Variants in DHRS12 observed in about 807,000 individuals in gnomAD.
The protein encoded by DHRS12 is dehydrogenase/reductase 12.
A neutral mutation model predicts 32.1 loss-of-function variants in DHRS12; 29 were observed. The observed-to-expected ratio is 0.90, with a 90% CI of 0.67 to 1.23. The LOEUF (loss-of-function observed/expected upper bound fraction) is 1.23, where lower values mean the gene tolerates loss of function less well. Among genes scored for constraint, DHRS12 ranks in the 50% most tolerant of loss-of-function variants. DHRS12 has a pLI of 0.00. For missense variants in DHRS12, 330 were observed against 337.2 expected (o/e 0.98, Z 0.17); for synonymous variants, 150 against 135.9 (o/e 1.10, Z -0.72).
chr13:51,785,586 G>T (rs148332044), intron 4 of DHRS12, among the ~76,000 whole-genome samples: 46 of 152,308 alleles, frequency 3.0e-4, no homozygotes, highest in African/African-American at 8.9e-4. Context: ...CTCTGCCATT[G>T]CCCTGAGAAT....
Position 51,769,270 on chromosome 13 carries a change from A to G in DHRS12, c.583T>C (p.Phe195Leu). 1 of 1,582,902 alleles carries G rather than the reference A, an allele frequency of 6.3e-7. No individual in the cohort carries two copies. Among genetic ancestry groups the G allele is most frequent in the Non-Finnish European group, 8.6e-7 (1 of 1,163,504 alleles). The part of the protein sequence containing the change: ...TPGVRQAMPG[F>L]HARFGDRLRS... ...AGGCGGTCCCCGAACCTGGCGTGGA[A>G]CCCCGGCATCGCCTGCCTCACACCT... is the stretch of plus-strand genomic sequence containing the variant. The change falls in exon 8 of 9, where the codon TTC (phenylalanine) becomes CTC (leucine). Residue 195 changes from phenylalanine (F) to leucine (L), a missense_variant. Phe to Leu is a conservative substitution (Grantham distance 22, BLOSUM62 0). Coordinates refer to ENST00000444610, the MANE Select transcript of DHRS12 (RefSeq NM_001377533.1).
At chr13:51,798,280 G>A (rs1006269707) in intron 2 of DHRS12, among the ~76,000 whole-genome samples, 1 of 152,260 alleles carries the variant, frequency 6.6e-6, no homozygotes, top group African/African-American at 2.4e-5. Context: ...TAGGCGATAG[G>A]CCCAGGACTG....
At chr13:51,777,947 A>G (rs1954518924) in intron 4 of DHRS12, among the ~76,000 whole-genome samples, 1 of 152,266 alleles carries the variant, frequency 6.6e-6, no homozygotes, top group Non-Finnish European at 1.5e-5. Flanking sequence ...TGAGGCAGGA[A>G]TCAAGTCAGG....
downstream of DHRS12, chr13:51,765,583 T>C (rs750370307): frequency 6.6e-6 from 1 of 152,238 alleles, no homozygotes; most frequent in Non-Finnish European, 1.5e-5. Flanking sequence ...TCTCGTTTAT[T>C]ATTGGACATG....
intron 5 of DHRS12, 54 bp from the exon 6 acceptor site, chr13:51,774,088 C>A: frequency 6.5e-7 from 1 of 1,535,550 alleles, no homozygotes. Flanking sequence ...CCCTTCCACT[C>A]TTCACCCCCT....
At chr13:51,772,767 T>C (rs2138939465) in intron 6 of DHRS12, 1 of 985,472 alleles carries the variant, frequency 1.0e-6, no homozygotes, top group Non-Finnish European at 1.2e-6. Context: ...TCTCTGGGCC[T>C]CATTTACAAG....
At chr13:51,769,437 C>T (rs1953911941) in intron 7 of DHRS12, 144 bp from the exon 8 acceptor site, 1 of 703,810 alleles carries the variant, frequency 1.4e-6, no homozygotes, top group South Asian at 2.2e-5. Context: ...TCACCCAAGC[C>T]ACTCGGAACC....
At chr13:51,768,473 T>C (rs1338230303) in intron 8 of DHRS12, 177 bp from the exon 9 acceptor site, 20 of 1,429,908 alleles carry the variant, frequency 1.4e-5, no homozygotes, top group Non-Finnish European at 1.6e-5. Flanking sequence ...TGGATTGATA[T>C]GTAAAGTGCA....
At chr13:51,773,216 A>G (rs537462145) in intron 6 of DHRS12, among the ~76,000 whole-genome samples, 1 of 152,366 alleles carries the variant, frequency 6.6e-6, no homozygotes, top group African/African-American at 2.4e-5. Context: ...CTGCATATAC[A>G]TAACGAGATA....
Position 51,804,115 on chromosome 13 carries a change from G to A in DHRS12, c.-70C>T, listed in dbSNP as rs143471294. On this transcript the variant is annotated 5_prime_UTR_variant, in exon 1 of 9. Coordinates refer to ENST00000444610, the MANE Select transcript of DHRS12 (RefSeq NM_001377533.1). ...ACGCTGCGGTACAGGGACATGCCGG[G>A]AGCGCCCCACGCCTAGCCCCACCGC... The A allele has an allele frequency of 4.3e-4, 647 of 1,488,302 alleles. 1 individual carries two copies. In the African/African-American group the frequency reaches 8.3e-3, roughly 19 times the overall value. 92.2% of individuals were successfully genotyped at this position (1,488,302 alleles called of 1,614,324 possible). A position where few individuals can be genotyped will look rare whatever the true frequency, so the allele number is the denominator to read the frequency against.
At chr13:51,794,248 C>T (rs1955409706) in intron 2 of DHRS12, among the ~76,000 whole-genome samples, 1 of 152,220 alleles carries the variant, frequency 6.6e-6, no homozygotes, top group Non-Finnish European at 1.5e-5. Context: ...CAAAACTCAA[C>T]TGGGACCCTT....
At chr13:51,794,913 C>T (rs1256621606) in intron 2 of DHRS12, among the ~76,000 whole-genome samples, 5 of 152,040 alleles carry the variant, frequency 3.3e-5, no homozygotes, top group African/African-American at 7.3e-5. Context: ...CCTGTTTCTC[C>T]CCTAGGCCCT....
At chr13:51,788,559 T>C (rs1030769070) in intron 4 of DHRS12, among the ~76,000 whole-genome samples, 1 of 152,014 alleles carries the variant, frequency 6.6e-6, no homozygotes, top group African/African-American at 2.4e-5. Context: ...CCACAGTAAA[T>C]TTAGCCTGGG....
the DHRS12 span, chr13:51,756,355 G>A: frequency 3.7e-6 from 6 of 1,613,826 alleles, no homozygotes; most frequent in Middle Eastern, 1.7e-4. Context: ...AGTGTGGGAA[G>A]GCCGTCTGTG....
intron 2 of DHRS12, among the ~76,000 whole-genome samples, chr13:51,797,239 A>C (rs1955548841): frequency 6.6e-6 from 1 of 152,206 alleles, no homozygotes; most frequent in Non-Finnish European, 1.5e-5. Flanking sequence ...AGCTTGGTTT[A>C]ATGTCCTGCC....
At chr13:51,771,702 T>G in intron 7 of DHRS12, 119 bp downstream of exon 7, 3 of 1,357,194 alleles carry the variant, frequency 2.2e-6, no homozygotes, top group Non-Finnish European at 3.1e-6. Flanking sequence ...GAAATGAAGC[T>G]ACTCCTCAGT....
At chr13:51,779,250 T>C (rs1954589652) in intron 4 of DHRS12, among the ~76,000 whole-genome samples, 1 of 152,126 alleles carries the variant, frequency 6.6e-6, no homozygotes, top group Admixed American at 6.5e-5. Context: ...CCTTCAACAC[T>C]CTGGCCCCCA....
intron 1 of DHRS12, among the ~76,000 whole-genome samples, chr13:51,801,610 C>T (rs552641830): frequency 6.6e-6 from 1 of 152,276 alleles, no homozygotes; most frequent in South Asian, 2.1e-4. Context: ...AAAGAGGAAA[C>T]TGGAAGATTT....
At chr13:51,761,245 G>A in the DHRS12 span, 1 of 152,172 alleles carries the variant, frequency 6.6e-6, no homozygotes, top group Non-Finnish European at 1.5e-5. Context: ...TGAACCTGAA[G>A]AACTCTTATT....
Sources: allele counts gnomAD v4.1 joint callset (sites outside exome capture counted in the v4.1 genomes callset), GRCh38; gene constraint gnomAD v4.1.1; transcripts MANE v1.5; gene names NCBI Gene and HGNC (gene_info 2026-07-23, HGNC 2026-07-21).